The following VASP variants were observed in gnomAD, a reference collection of about 807,000 sequenced individuals.
The protein encoded by VASP is vasodilator stimulated phosphoprotein.
Under a neutral mutation model 54.4 loss-of-function variants are expected in VASP, and 27 were observed. The observed-to-expected ratio is 0.50, with a 90% CI of 0.37 to 0.68. The LOEUF (loss-of-function observed/expected upper bound fraction) is 0.68. Ranked by LOEUF, VASP falls within the 30% of genes least tolerant of loss-of-function variation. The pLI, the probability that VASP is intolerant of heterozygous loss-of-function variation, is 0.00. For synonymous variants in VASP, 233 were observed against 209.8 expected (o/e 1.11, Z -0.96); for missense variants, 488 against 528.3 (o/e 0.92, Z 0.75).
At chr19:45,525,551 T>C in intron 11 of VASP, among the ~76,000 whole-genome samples, 1 of 152,052 alleles carries the variant, frequency 6.6e-6, no homozygotes, top group East Asian at 1.9e-4. Flanking sequence ...ATACAAAAAT[T>C]AGCTGGGCCT....
At chr19:45,517,890 G>GC in intron 2 of VASP, 39 bp from the exon 3 acceptor site, 1 of 1,503,988 alleles carries the variant, frequency 6.6e-7, no homozygotes, top group African/African-American at 1.4e-5. Flanking sequence ...CCCCACCCCT[G>GC]CGCCCGCCGC....
intron 8 of VASP, 63 bp downstream of exon 8, chr19:45,523,758 G>T (rs1280143740): frequency 1.2e-6 from 2 of 1,613,888 alleles, no homozygotes; most frequent in Non-Finnish European, 1.7e-6. Flanking sequence ...AGGGATAGTG[G>T]GATGTGTGGG....
At chr19:45,524,864 C>T (rs1237416333) in intron 11 of VASP, 15 of 519,068 alleles carry the variant, frequency 2.9e-5, no homozygotes, top group South Asian at 1.0e-4. Flanking sequence ...AATCTATCAC[C>T]GCGCTCATTC....
In VASP at chr19:45,521,324, G is replaced by A. The variant is rs980023729; in HGVS notation, c.346G>A (p.Gly116Ser). The A allele has an allele frequency of 3.8e-6, 6 of 1,574,850 alleles. No individual in the cohort carries two copies. The African/African-American group carries it at 6.7e-5, about 18-fold the overall frequency. ...GCCCTTTCTCTCTCACCTTTCAGGA[G>A]GTGGGCCCCCTCCACCCCCAGCACT... is the stretch of plus-strand genomic sequence containing the variant. ...MASALEALEG[G>S]GPPPPPALPT... The change falls in exon 4 of 13, where the codon GGT becomes AGT. Residue 116 changes from glycine (G) to serine (S), a missense_variant and splice_region_variant. Transcript: ENST00000245932.
At chr19:45,511,121 T>C (rs946782200) in intron 1 of VASP, among the ~76,000 whole-genome samples, 9 of 152,224 alleles carry the variant, frequency 5.9e-5, no homozygotes, top group African/African-American at 2.2e-4. Context: ...AGGAAGGGAC[T>C]AGAGTAGCCC....
chr19:45,523,725 C>G, intron 8 of VASP, 30 bp downstream of exon 8: 1 of 1,614,092 alleles, frequency 6.2e-7, no homozygotes, highest in Non-Finnish European at 8.5e-7. Context: ...TGCCCTACAT[C>G]TCTTAGGCCG....
At chr19:45,522,641 G>A (rs1368723082) in intron 6 of VASP, 60 bp downstream of exon 6, 15 of 1,556,866 alleles carry the variant, frequency 9.6e-6, no homozygotes, top group Admixed American at 2.1e-5. Flanking sequence ...ATGAGGCCAG[G>A]GCTGCCGGCG....
chr19:45,511,655 C>G (rs146591314), intron 1 of VASP, among the ~76,000 whole-genome samples: 1 of 152,146 alleles, frequency 6.6e-6, no homozygotes, highest in African/African-American at 2.4e-5. Context: ...CCCGCACCCC[C>G]GTTTTATGGC....
chr19:45,516,607 T>TGGCCTC (rs1365936762), intron 1 of VASP, among the ~76,000 whole-genome samples: 1 of 152,226 alleles, frequency 6.6e-6, no homozygotes, highest in Non-Finnish European at 1.5e-5. Context: ...CCACTGGCAT[T>TGGCCTC]GGCCTCGGCC....
Position 45,519,894 on chromosome 19 carries a change from CTTTTTTTTT to C in VASP, c.344-1408_344-1400del, listed in dbSNP as rs57892194. ...ACAGGCGTGAGCCACTGCGCCCGGC[CTTTTTTTTT>C]TTTTTTTTTTTTTTTTTTTAATATG... On this transcript the variant is annotated intron_variant, in intron 3 of 12. Transcript: ENST00000245932. 6.5e-4 allele frequency among the ~76,000 whole-genome samples: 33 copies of C among 50,988 alleles called. No homozygotes were observed. The East Asian group carries it at 7.1e-3, about 11-fold the overall frequency. The allele number at this position is 50,988 out of a possible 152,430, so 33.5% of individuals were successfully genotyped here.
Position 45,507,690 on chromosome 19 carries a change from A to G in VASP, c.-82A>G. The G allele has an allele frequency of 5.3e-6, 8 of 1,500,514 alleles. No individual in the cohort carries two copies. Among genetic ancestry groups the G allele is most frequent in the Non-Finnish European group, 7.1e-6 (8 of 1,126,260 alleles). The allele number at this position is 1,500,514 out of a possible 1,614,324, so 92.9% of individuals were successfully genotyped here. A position where few individuals can be genotyped will look rare whatever the true frequency, so the allele number is the denominator to read the frequency against. Reference sequence around the variant, plus strand: ...GGGAGCCTGAGCCGAGCCCGGAGCCAGCCCCGAACCCCTGAACCTCCAGCC... The same window carrying G: ...GGGAGCCTGAGCCGAGCCCGGAGCCGGCCCCGAACCCCTGAACCTCCAGCC... On this transcript the variant is annotated 5_prime_UTR_variant, in exon 1 of 13. Coordinates refer to ENST00000245932, the MANE Select transcript of VASP (RefSeq NM_003370.4). The surrounding 1 kb of genome is among the most constrained non-coding windows in gnomAD (Gnocchi z 4.4).
chr19:45,512,432 C>G (rs192746934), intron 1 of VASP, among the ~76,000 whole-genome samples: 1 of 151,688 alleles, frequency 6.6e-6, no homozygotes, highest in Non-Finnish European at 1.5e-5. Flanking sequence ...GAATTACAGG[C>G]ACGCGCCACC....
Position 45,518,064 on chromosome 19 carries a change from G to C in VASP, c.313G>C (p.Gly105Arg), listed in dbSNP as rs148436678. ...SKEDAAQFAA[G>R]MASALEALEG... ...GGAGGATGCGGCCCAGTTTGCCGCCGGCATGGCCAGTGCCCTAGAGGCGTT... is the reference window on the plus strand; with the variant it reads ...GGAGGATGCGGCCCAGTTTGCCGCCCGCATGGCCAGTGCCCTAGAGGCGTT... Residue 105 changes from glycine (G) to arginine (R), a missense_variant, in exon 3 of 13, where the codon GGC becomes CGC. By Grantham distance (125) the Gly-to-Arg change is moderately radical. This residue lies in a region of VASP where 127 missense variants were observed against 170.7 expected (regional missense o/e 0.74). Transcript: ENST00000245932. 5 of 1,613,734 alleles carry C rather than the reference G, an allele frequency of 3.1e-6. No homozygotes were observed. The South Asian group carries it at 4.4e-5, about 14-fold the overall frequency.
In VASP at chr19:45,507,811, CG is replaced by C; in HGVS notation, c.5+38del. The C allele has an allele frequency of 7.3e-7, 1 of 1,362,430 alleles. No individual in the cohort carries two copies. The highest frequency in any genetic ancestry group is 9.4e-7 in the Non-Finnish European group (1 of 1,062,868). The allele number at this position is 1,362,430 out of a possible 1,614,324, so 84.4% of individuals were successfully genotyped here. ...ACCTGCCCCCCGACCCGTCCCCGCC[CG>C]GGCGGGCTCCGCGCCCCGCCTTTGT... is the stretch of plus-strand genomic sequence containing the variant. On this transcript the variant is annotated intron_variant, in intron 1 of 12. Transcript: ENST00000245932. The surrounding 1 kb of genome is among the most constrained non-coding windows in gnomAD (Gnocchi z 4.4).
chr19:45,510,537 T>C (rs1206294446), intron 1 of VASP, among the ~76,000 whole-genome samples: 1 of 152,028 alleles, frequency 6.6e-6, no homozygotes, highest in Non-Finnish European at 1.5e-5. Flanking sequence ...CTCATGGCAG[T>C]TCGAACAATG....
chr19:45,516,263 C>T (rs1968699046), intron 1 of VASP, among the ~76,000 whole-genome samples: 2 of 152,224 alleles, frequency 1.3e-5, no homozygotes, highest in Non-Finnish European at 2.9e-5. Context: ...GTCTTCATCC[C>T]CAGCCCCACC....
intron 7 of VASP, among the ~76,000 whole-genome samples, chr19:45,523,426 C>T (rs79646840): frequency 0.053 from 8,001 of 151,990 alleles, 388 homozygotes; most frequent in East Asian, 0.21. Context: ...TGGTCTTGAA[C>T]TCTTGACCTC....
In VASP at chr19:45,517,744, T is replaced by C; in HGVS notation, c.87T>C (p.Gly29=). 1.2e-6 allele frequency: 2 copies of C among 1,613,400 alleles called. No homozygotes were observed. Among genetic ancestry groups the C allele is most frequent in the East Asian group, 2.2e-5 (1 of 44,876 alleles). The change falls in exon 2 of 13, where the codon GGT becomes GGC. Residue 29 remains glycine (G), a synonymous_variant. Transcript: ENST00000245932. ...GNKRWLPAGT[G]PQAFSRVQIY... is the part of the protein sequence containing the mutation. ...AGCGATGGCTCCCTGCTGGCACGGG[T>C]CCCCAGGCCTTCAGCCGCGTCCAGA...
chr19:45,523,214 T>G (rs1968883629), intron 7 of VASP, among the ~76,000 whole-genome samples: 1 of 138,550 alleles, frequency 7.2e-6, no homozygotes, highest in African/African-American at 2.7e-5. Flanking sequence ...TTTTTTTTTT[T>G]TTTTTTGAGA....
Sources: allele counts gnomAD v4.1 joint callset (sites outside exome capture counted in the v4.1 genomes callset), GRCh38; gene constraint gnomAD v4.1.1; regional missense constraint gnomAD v4.1.1; non-coding constraint Gnocchi (gnomAD v3.1); transcripts MANE v1.5; gene names NCBI Gene and HGNC (gene_info 2026-07-23, HGNC 2026-07-21).